Variants in ADGRL2 observed in about 807,000 individuals in gnomAD.
The protein encoded by ADGRL2 is adhesion G protein-coupled receptor L2.
In ADGRL2, 44 loss-of-function variants were observed where a neutral mutation model predicts 157.4. That is an observed-to-expected ratio of 0.28 (90% CI 0.22 to 0.36). The LOEUF is 0.36. Among genes scored for constraint, ADGRL2 ranks in the 10% least tolerant of loss-of-function variants. The pLI is 1.00. For missense variants in ADGRL2, 1,510 were observed against 1,768.9 expected (o/e 0.85, Z 2.63); for synonymous variants, 585 against 624.7 (o/e 0.94, Z 0.95).
At chr1:81,941,253 A>G (rs1220146022) in intron 4 of ADGRL2, among the ~76,000 whole-genome samples, 1 of 151,414 alleles carries the variant, frequency 6.6e-6, no homozygotes, top group Admixed American at 6.6e-5. Flanking sequence ...TTTATAATAA[A>G]ATGTATATGT....
chr1:81,514,530 G>A lies in ADGRL2; in HGVS notation c.-247-66346G>A, dbSNP rs1037031556. On this transcript the variant is annotated intron_variant, in intron 2 of 24. Coordinates refer to the ADGRL2 transcript ENST00000370721. ...ATCAAAATGTTTTTTCAACTTTGGG[G>A]GTTTCAGAAAACCCACAACACATTT... 2 of 152,172 alleles carry A rather than the reference G, an allele frequency of 1.3e-5. 1 individual carries two copies. The highest frequency in any genetic ancestry group is 4.1e-4 in the South Asian group (2 of 4,820). 9.4% of individuals were successfully genotyped at this position (152,172 alleles called of 1,614,324 possible).
chr1:81,846,640 T>TTG (rs901483104), intron 2 of ADGRL2, among the ~76,000 whole-genome samples: 17 of 151,908 alleles, frequency 1.1e-4, no homozygotes, highest in African/African-American at 4.1e-4. Flanking sequence ...TATCTAATTG[T>TTG]TGTGTGTTTG....
chr1:81,563,040 T>G (rs2148460909), intron 2 of ADGRL2, among the ~76,000 whole-genome samples: 1 of 152,276 alleles, frequency 6.6e-6, no homozygotes, highest in South Asian at 2.1e-4. Context: ...TTGTGCCTGG[T>G]GCTGTAATAC....
rs908934996 is a variant in ADGRL2 at position 81,315,268 on chromosome 1, G to T, written c.-302+8759G>T. ...TTTGTTCATGTGATACAATATCATT[G>T]GATAAGTGGAAATATGAGTCAACAA... On this transcript the variant is annotated intron_variant, in intron 1 of 24. Transcript: ENST00000370721. 4.6e-5 allele frequency among the ~76,000 whole-genome samples: 7 copies of T among 152,048 alleles called. No homozygotes were observed. The South Asian group carries it at 1.2e-3, about 27-fold the overall frequency.
rs147378780 is a variant in ADGRL2, at chr1:81,354,567, T to C, written c.-302+48058T>C. On this transcript the variant is annotated intron_variant, in intron 1 of 24. Transcript: ENST00000370721. ...CCAAAATGCCTTCCCACTAAACTTA[T>C]TTGAAAACAGCACATCACTCATCTC... 6.7e-3 allele frequency among the ~76,000 whole-genome samples: 1,014 copies of C among 152,286 alleles called. 13 individuals are homozygous for C. Among genetic ancestry groups the C allele is most frequent in the African/African-American group, 0.023 (952 of 41,556 alleles).
At chr1:81,989,535 A>C (rs2149531140) in intron 23 of ADGRL2, 1 of 666,346 alleles carries the variant, frequency 1.5e-6, no homozygotes, top group East Asian at 2.7e-5. Context: ...TAAATGAAAA[A>C]TAAAAGGCTG....
At chr1:81,589,080 T>C (rs1204476098) in intron 3 of ADGRL2, among the ~76,000 whole-genome samples, 1 of 152,174 alleles carries the variant, frequency 6.6e-6, no homozygotes. Context: ...GAGAACCATA[T>C]AGTATCTGTT....
At chr1:81,678,043 A>G (rs1039383711) in intron 3 of ADGRL2, among the ~76,000 whole-genome samples, 2 of 152,138 alleles carry the variant, frequency 1.3e-5, no homozygotes, top group Non-Finnish European at 2.9e-5. Context: ...ACAACTATTC[A>G]TCTTTAAGAC....
intron 1 of ADGRL2, among the ~76,000 whole-genome samples, chr1:81,327,094 C>T (rs951883185): frequency 3.9e-5 from 6 of 151,970 alleles, no homozygotes; most frequent in Non-Finnish European, 8.8e-5. Context: ...ACACTTATGT[C>T]CTAAGAGTAC....
chr1:81,639,693 T>C (rs748118646), intron 3 of ADGRL2, among the ~76,000 whole-genome samples: 13 of 151,872 alleles, frequency 8.6e-5, no homozygotes, highest in Non-Finnish European at 1.9e-4. Context: ...GATAAAGGGG[T>C]CTATTTTTTC....
chr1:81,378,715 A>C (rs1382593350), intron 1 of ADGRL2, among the ~76,000 whole-genome samples: 1 of 152,194 alleles, frequency 6.6e-6, no homozygotes, highest in Non-Finnish European at 1.5e-5. Context: ...GGAAAACTAA[A>C]TTAAAGAATC....
intron 2 of ADGRL2, among the ~76,000 whole-genome samples, chr1:81,555,265 C>CTT (rs71666308): frequency 2.8e-3 from 323 of 115,922 alleles, no homozygotes; most frequent in Non-Finnish European, 3.8e-3. Context: ...TATTTCTTTT[C>CTT]TTTTTTTTTT....
intron 1 of ADGRL2, among the ~76,000 whole-genome samples, chr1:81,350,265 T>C (rs1662786738): frequency 6.6e-6 from 1 of 152,228 alleles, no homozygotes; most frequent in Non-Finnish European, 1.5e-5. Context: ...TTGTATTAAA[T>C]GATACAGTGA....
intron 1 of ADGRL2, among the ~76,000 whole-genome samples, chr1:81,714,745 G>C (rs1319236870): frequency 1.3e-5 from 2 of 152,064 alleles, no homozygotes. Flanking sequence ...TACTTGAATA[G>C]CTCCTATTTC....
At chr1:81,462,340 T>C (rs2077954719) in intron 2 of ADGRL2, among the ~76,000 whole-genome samples, 1 of 152,230 alleles carries the variant, frequency 6.6e-6, no homozygotes, top group African/African-American at 2.4e-5. Context: ...TTAGTTCTTT[T>C]GCTGTTTATC....
intron 2 of ADGRL2, among the ~76,000 whole-genome samples, chr1:81,449,104 T>C (rs1472873181): frequency 3.3e-5 from 5 of 152,240 alleles, no homozygotes; most frequent in African/African-American, 7.2e-5. Flanking sequence ...ATGAATACTT[T>C]GGATACATAG....
At chr1:81,847,366 T>G (rs1022719989) in intron 2 of ADGRL2, among the ~76,000 whole-genome samples, 7 of 151,958 alleles carry the variant, frequency 4.6e-5, no homozygotes. Flanking sequence ...CTAAGGTTGC[T>G]GGTCTGTAAG....
At chr1:81,410,069 T>C (rs535534677) in intron 1 of ADGRL2, among the ~76,000 whole-genome samples, 3 of 152,342 alleles carry the variant, frequency 2.0e-5, no homozygotes, top group South Asian at 4.1e-4. Flanking sequence ...TAACAAAGCT[T>C]AGACTGTCAC....
intron 2 of ADGRL2, among the ~76,000 whole-genome samples, chr1:81,859,391 A>T (rs2093317324): frequency 6.7e-6 from 1 of 148,412 alleles, no homozygotes; most frequent in African/African-American, 2.5e-5. Flanking sequence ...AAGTAAAATG[A>T]CCATAGAATA....
Sources: gnomAD v4.1 joint callset for allele counts (sites outside exome capture counted in the v4.1 genomes callset) on GRCh38, gnomAD v4.1.1 for gene constraint, MANE v1.5 for transcripts, NCBI Gene and HGNC (gene_info 2026-07-23, HGNC 2026-07-21) for gene names.